PARD3B: variants seen among roughly 807,000 people sequenced by gnomAD.
PARD3B encodes par-3 family cell polarity regulator beta.
In PARD3B, 103 loss-of-function variants were observed where a neutral mutation model predicts 130.2. The observed-to-expected ratio is 0.79, with a 90% CI of 0.67 to 0.93. The LOEUF is 0.93. Ranked by LOEUF, PARD3B falls within the 40% of genes least tolerant of loss-of-function variation. PARD3B has a pLI of 0.00. For missense variants in PARD3B, 1,609 were observed against 1,499.2 expected, an observed-to-expected ratio of 1.07 and a Z score of -1.21; for synonymous variants, 583 against 553.2, an observed-to-expected ratio of 1.05 and a Z score of -0.76.
chr2:205,619,842 G>C lies in PARD3B; in HGVS notation c.*4029G>C, dbSNP rs2055543065. 6.6e-6 allele frequency: 1 copy of C among 152,114 alleles called. No homozygotes were observed. Among genetic ancestry groups the C allele is most frequent in the Non-Finnish European group, 1.5e-5 (1 of 68,036 alleles). The allele number at this position is 152,114 out of a possible 1,614,324, so 9.4% of individuals were successfully genotyped here. A position where few individuals can be genotyped will look rare whatever the true frequency, so the allele number is the denominator to read the frequency against. On this transcript the variant is annotated 3_prime_UTR_variant, in exon 23 of 23. Coordinates refer to ENST00000406610, the MANE Select transcript of PARD3B (RefSeq NM_001302769.2). ...CAAAGACTCTTCTAACCTGTCTCCT[G>C]ACTGGGCTCCTTCAGAAAGTGTTCT...
Position 205,125,843 on chromosome 2 carries a change from T to G in PARD3B, c.1434+106T>G. On this transcript the variant is annotated intron_variant, in intron 10 of 22. Coordinates refer to ENST00000406610, the MANE Select transcript of PARD3B (RefSeq NM_001302769.2). This position sits in a 1 kb window ranked among gnomAD's most constrained non-coding sequence, Gnocchi z 4.0. ...AGTTCTAAATCACAGGCTTCATTCA[T>G]AACCAAAATTGAATCACACTCAGGG... 1.4e-6 allele frequency: 2 copies of G among 1,432,108 alleles called. No individual in the cohort carries two copies. Among genetic ancestry groups the G allele is most frequent in the South Asian group, 2.7e-5 (2 of 74,002 alleles). 88.7% of individuals were successfully genotyped at this position (1,432,108 alleles called of 1,614,324 possible).
intron 18 of PARD3B, among the ~76,000 whole-genome samples, chr2:205,360,064 C>G (rs1203023025): frequency 6.6e-6 from 1 of 152,184 alleles, no homozygotes. Flanking sequence ...TCCATCAATA[C>G]TTGGTATTGT....
intron 9 of PARD3B, among the ~76,000 whole-genome samples, chr2:205,124,830 A>G (rs1019014095): frequency 6.6e-6 from 1 of 152,208 alleles, no homozygotes; most frequent in African/African-American, 2.4e-5. Flanking sequence ...AGTCTTTTCA[A>G]ACTTGGCCAG....
intron 2 of PARD3B, among the ~76,000 whole-genome samples, chr2:204,795,429 T>A (rs1356456661): frequency 6.6e-6 from 1 of 152,142 alleles, no homozygotes; most frequent in Non-Finnish European, 1.5e-5. Flanking sequence ...TGGTCACGTT[T>A]GAGGATTTGG....
In PARD3B at chr2:205,069,692, G is replaced by C. The variant is rs979411936; in HGVS notation, c.504+22002G>C. Among the ~76,000 whole-genome samples, 22 of 152,096 alleles carry C rather than the reference G, an allele frequency of 1.4e-4. No homozygotes were observed. In the East Asian group the frequency reaches 3.7e-3, roughly 25 times the overall value. ...GGTTGTCTGAAAAATAAGCTAGCTA[G>C]GACCAGAGCCCTCACCCTTCACCCT... On this transcript the variant is annotated intron_variant, in intron 4 of 22. Coordinates refer to ENST00000406610, the MANE Select transcript of PARD3B (RefSeq NM_001302769.2).
At chr2:205,355,577 G>A (rs2105861077) in intron 18 of PARD3B, among the ~76,000 whole-genome samples, 1 of 152,182 alleles carries the variant, frequency 6.6e-6, no homozygotes, top group East Asian at 1.9e-4. Flanking sequence ...GTGAGTGATT[G>A]ATCTTTTCAT....
intron 2 of PARD3B, among the ~76,000 whole-genome samples, chr2:204,756,405 T>C (rs546418139): frequency 6.6e-6 from 1 of 152,170 alleles, no homozygotes; most frequent in Admixed American, 6.6e-5. Context: ...GTGATACAAA[T>C]GGTTGTTACC....
chr2:204,736,996 G>A (rs946666518), intron 2 of PARD3B, among the ~76,000 whole-genome samples: 1 of 152,258 alleles, frequency 6.6e-6, no homozygotes, highest in Non-Finnish European at 1.5e-5. Context: ...TGCCCAGGCT[G>A]GAGTGCAATG....
intron 18 of PARD3B, among the ~76,000 whole-genome samples, chr2:205,304,990 T>A (rs558329172): frequency 6.6e-6 from 1 of 152,278 alleles, no homozygotes; most frequent in East Asian, 1.9e-4. Context: ...AATTGAGTTC[T>A]AACAATTGAA....
chr2:204,588,272 T>C (rs1406764503), intron 1 of PARD3B, among the ~76,000 whole-genome samples: 2 of 152,310 alleles, frequency 1.3e-5, no homozygotes, highest in East Asian at 1.9e-4. Context: ...CATGGAGTTA[T>C]AGGAACCTAT....
At chr2:205,304,463 C>T (rs2042119688) in intron 18 of PARD3B, among the ~76,000 whole-genome samples, 1 of 151,898 alleles carries the variant, frequency 6.6e-6, no homozygotes, top group Non-Finnish European at 1.5e-5. Context: ...TGGAGAAACC[C>T]CTTCTCTACT....
In PARD3B at chr2:205,301,967, C is replaced by A; in HGVS notation, c.2630+266C>A. On this transcript the variant is annotated intron_variant, in intron 18 of 22. Transcript: ENST00000406610. The surrounding 1 kb of genome is among the most constrained non-coding windows in gnomAD (Gnocchi z 5.2). ...GCACGGTGGCTCATGCCTGTAATCT[C>A]AGTACTTTGGGAGGCTGGGAGGATT... is the stretch of plus-strand genomic sequence containing the variant. The A allele has an allele frequency of 7.2e-6, 5 of 696,836 alleles. No individual in the cohort carries two copies. In the South Asian group the frequency reaches 7.5e-5, roughly 10 times the overall value. 43.2% of individuals were successfully genotyped at this position (696,836 alleles called of 1,614,324 possible). A position where few individuals can be genotyped will look rare whatever the true frequency, so the allele number is the denominator to read the frequency against.
intron 15 of PARD3B, among the ~76,000 whole-genome samples, chr2:205,214,136 AAT>A (rs772474544): frequency 2.6e-5 from 4 of 151,938 alleles, no homozygotes; most frequent in Non-Finnish European, 5.9e-5. Context: ...ATATTATTTT[AAT>A]GTATAAGATG....
chr2:204,991,092 C>CTTT (rs1693636071), intron 3 of PARD3B, among the ~76,000 whole-genome samples: 2 of 150,226 alleles, frequency 1.3e-5, no homozygotes, highest in Non-Finnish European at 3.0e-5. Flanking sequence ...TTTTATTATA[C>CTTT]TTATATAAGT....
Position 205,241,741 on chromosome 2 carries a change from T to C in PARD3B, c.2141-4037T>C, listed in dbSNP as rs1028975883. On this transcript the variant is annotated intron_variant, in intron 15 of 22. Coordinates refer to ENST00000406610, the MANE Select transcript of PARD3B (RefSeq NM_001302769.2). This position sits in a 1 kb window ranked among gnomAD's most constrained non-coding sequence, Gnocchi z 4.2. ...AGACCTTTCCCACACCAGGCCCATT[T>C]ATTTTTCAATCTCTTGTAAATAAGT... Among the ~76,000 whole-genome samples, 1 of 152,200 alleles carries C rather than the reference T, an allele frequency of 6.6e-6. No individual in the cohort carries two copies. Among genetic ancestry groups the C allele is most frequent in the African/African-American group, 2.4e-5 (1 of 41,468 alleles).
At chr2:205,217,960 A>G (rs1204138707) in intron 15 of PARD3B, among the ~76,000 whole-genome samples, 1 of 144,648 alleles carries the variant, frequency 6.9e-6, no homozygotes, top group African/African-American at 2.6e-5. Flanking sequence ...CAATGGTACA[A>G]TGGCTCACTG....
At chr2:204,973,157 C>T (rs945803071) in intron 3 of PARD3B, among the ~76,000 whole-genome samples, 55 of 152,258 alleles carry the variant, frequency 3.6e-4, no homozygotes, top group East Asian at 1.2e-3. Flanking sequence ...CTGAGGCAGC[C>T]GAAACACAGC....
At chr2:204,998,295 G>A (rs1694420070) in intron 3 of PARD3B, among the ~76,000 whole-genome samples, 1 of 120,604 alleles carries the variant, frequency 8.3e-6, no homozygotes, top group East Asian at 2.3e-4. Context: ...TTCTGCACAT[G>A]TATCCCAGAA....
At chr2:204,828,691 T>G (rs1228052806) in intron 2 of PARD3B, among the ~76,000 whole-genome samples, 1 of 152,212 alleles carries the variant, frequency 6.6e-6, no homozygotes, top group East Asian at 1.9e-4. Flanking sequence ...AATTTATTCT[T>G]TAGTTCTAAT....
Sources: gnomAD v4.1 joint callset for allele counts (sites outside exome capture counted in the v4.1 genomes callset) on GRCh38, gnomAD v4.1.1 for gene constraint, Gnocchi (gnomAD v3.1) non-coding constraint, MANE v1.5 for transcripts, NCBI Gene and HGNC (gene_info 2026-07-23, HGNC 2026-07-21) for gene names.